The following TNPO3 variants were observed in gnomAD, a reference collection of about 807,000 sequenced individuals.
TNPO3 encodes the protein transportin-3.
In TNPO3, 65 loss-of-function variants were observed where a neutral mutation model predicts 122.8. The observed-to-expected ratio is 0.53, with a 90% confidence interval of 0.43 to 0.65. The LOEUF (loss-of-function observed/expected upper bound fraction) is 0.65. TNPO3 is among the 30% of genes least tolerant of loss of function. The pLI is 0.00. For synonymous variants in TNPO3, 372 were observed against 411.2 expected, an observed-to-expected ratio of 0.90 and a Z score of 1.15; for missense variants, 850 against 1,136.7, an observed-to-expected ratio of 0.75 and a Z score of 3.63.
chr7:129,052,837 G>A (rs2150577546), intron 1 of TNPO3, among the ~76,000 whole-genome samples: 1 of 152,256 alleles, frequency 6.6e-6, no homozygotes, highest in South Asian at 2.1e-4. Context: ...TACTTTTTTA[G>A]TATAGTGTAG....
intron 11 of TNPO3, 134 bp from the exon 12 acceptor site, chr7:128,987,054 AC>A: frequency 1.2e-6 from 1 of 857,556 alleles, no homozygotes; most frequent in Non-Finnish European, 1.7e-6. Flanking sequence ...TGTGTTCAGA[AC>A]CACAATAAAT....
chr7:129,049,023 T>C (rs75279435), intron 1 of TNPO3, among the ~76,000 whole-genome samples: 6,830 of 152,270 alleles, frequency 0.045, 210 homozygotes, highest in Middle Eastern at 0.11. Flanking sequence ...TAGGCATTCA[T>C]TGGGGGCTGA....
chr7:129,054,836 G>A lies in TNPO3; in HGVS notation c.-66C>T. 13 of 1,606,228 alleles carry A rather than the reference G, an allele frequency of 8.1e-6. No homozygotes were observed. The highest frequency in any genetic ancestry group is 1.0e-5 in the Non-Finnish European group (12 of 1,176,116). On this transcript the variant is annotated 5_prime_UTR_variant, in exon 1 of 23. Coordinates refer to ENST00000265388, the MANE Select transcript of TNPO3 (RefSeq NM_012470.4). Reference sequence around the variant, plus strand: ...CTCCGGAGGATTCCTCGGTTGCTCCGCCTTCGCGCTTCCTCACTGTCTGGG... The same window carrying A: ...CTCCGGAGGATTCCTCGGTTGCTCCACCTTCGCGCTTCCTCACTGTCTGGG...
chr7:128,958,659 T>A (rs986995438), intron 21 of TNPO3, among the ~76,000 whole-genome samples: 9 of 152,206 alleles, frequency 5.9e-5, no homozygotes, highest in Admixed American at 1.3e-4. Context: ...GATTTCCCCA[T>A]CCATTGTAAG....
chr7:128,972,421 C>T lies in TNPO3; in HGVS notation c.2430+5G>A. On this transcript the variant is annotated splice_donor_5th_base_variant and intron_variant, in intron 19 of 22. Coordinates refer to ENST00000265388, the MANE Select transcript of TNPO3 (RefSeq NM_012470.4). ...AAGTAGAAATGGTATCATTTTTATA[C>T]TTACATCATTGGCTACCCCTGTATG... The T allele has an allele frequency of 1.2e-6, 2 of 1,607,788 alleles. No homozygotes were observed. The highest frequency in any genetic ancestry group is 1.7e-6 in the Non-Finnish European group (2 of 1,177,438).
chr7:129,021,208 A>G (rs1174603223), intron 1 of TNPO3, among the ~76,000 whole-genome samples: 1 of 152,138 alleles, frequency 6.6e-6, no homozygotes, highest in African/African-American at 2.4e-5. Context: ...TACAAAAATT[A>G]GCTGGGCATG....
intron 16 of TNPO3, 99 bp from the exon 17 acceptor site, chr7:128,976,034 C>T (rs1484985163): frequency 1.2e-6 from 1 of 836,136 alleles, no homozygotes; most frequent in Non-Finnish European, 2.1e-6. Context: ...AGATTGGCTT[C>T]TTCTCTTTAA....
In TNPO3 at chr7:129,025,756, T is replaced by C. The variant is rs190736625; in HGVS notation, c.121-7599A>G. Among the ~76,000 whole-genome samples, 103 of 152,176 alleles carry C rather than the reference T, an allele frequency of 6.8e-4. 1 individual carries two copies. Among genetic ancestry groups the C allele is most frequent in the Non-Finnish European group, 1.1e-3 (73 of 67,994 alleles). On this transcript the variant is annotated intron_variant, in intron 1 of 22. Transcript: ENST00000265388. ...TGGTGGTTAAAAGGCCATCTGCATA[T>C]AGTAATTCACTAAGCTACACATCTG...
rs749189508 is a variant in TNPO3, at chr7:129,054,817, A to C, written c.-47T>G. The C allele has an allele frequency of 3.1e-6, 5 of 1,612,154 alleles. No homozygotes were observed. Among genetic ancestry groups the C allele is most frequent in the Non-Finnish European group, 1.7e-6 (2 of 1,179,208 alleles). ...AGCGACGGCTCTGATTCTTCTCCGGAGGATTCCTCGGTTGCTCCGCCTTCG... is the reference window on the plus strand; with the variant it reads ...AGCGACGGCTCTGATTCTTCTCCGGCGGATTCCTCGGTTGCTCCGCCTTCG... On this transcript the variant is annotated 5_prime_UTR_variant, in exon 1 of 23. Coordinates refer to ENST00000265388, the MANE Select transcript of TNPO3 (RefSeq NM_012470.4).
rs576557108 is a variant in TNPO3, at chr7:129,047,011, G to C, written c.120+7640C>G. On this transcript the variant is annotated intron_variant, in intron 1 of 22. Transcript: ENST00000265388. ...AACCATATCAACCCAAGACCTTTCTGATATGATATCTAAGAAGAAAATTCC... is the reference window on the plus strand; with the variant it reads ...AACCATATCAACCCAAGACCTTTCTCATATGATATCTAAGAAGAAAATTCC... Among the ~76,000 whole-genome samples, 19 of 152,290 alleles carry C rather than the reference G, an allele frequency of 1.2e-4. 1 individual carries two copies. The South Asian group carries it at 3.7e-3, about 30-fold the overall frequency.
intron 1 of TNPO3, among the ~76,000 whole-genome samples, chr7:129,053,150 C>T (rs765736568): frequency 9.2e-5 from 14 of 152,072 alleles, no homozygotes; most frequent in Non-Finnish European, 1.9e-4. Context: ...ATGGCGAAAC[C>T]CCGTTTCTAC....
At chr7:129,007,622 G>A (rs1378256271) in intron 4 of TNPO3, among the ~76,000 whole-genome samples, 11 of 152,184 alleles carry the variant, frequency 7.2e-5, no homozygotes, top group African/African-American at 2.7e-4. Context: ...AATAACATCA[G>A]AACTTGATTG....
chr7:128,980,808 T>C (rs568107501), intron 14 of TNPO3, among the ~76,000 whole-genome samples: 1 of 152,360 alleles, frequency 6.6e-6, no homozygotes, highest in East Asian at 1.9e-4. Context: ...AATCCACTAC[T>C]AGAAACCAAG....
At chr7:128,972,815 TGTACACCAAGA>T (rs1220084332) in intron 18 of TNPO3, among the ~76,000 whole-genome samples, 19 of 152,118 alleles carry the variant, frequency 1.2e-4, no homozygotes, top group Non-Finnish European at 5.9e-5. Flanking sequence ...ACCCACAGAA[TGTACACCAAGA>T]GTGAAGCCTA....
At chr7:129,016,595 C>T (rs1400167770) in intron 3 of TNPO3, among the ~76,000 whole-genome samples, 1 of 152,120 alleles carries the variant, frequency 6.6e-6, no homozygotes, top group Non-Finnish European at 1.5e-5. Context: ...AATATTGCCC[C>T]TCTGATAAAC....
intron 4 of TNPO3, among the ~76,000 whole-genome samples, chr7:129,010,410 G>A (rs751689548): frequency 4.6e-5 from 7 of 151,968 alleles, no homozygotes; most frequent in Non-Finnish European, 7.4e-5. Flanking sequence ...TCAAGCAACC[G>A]TCCCACCTCA....
chr7:128,959,707 G>C (rs765326695), intron 21 of TNPO3, among the ~76,000 whole-genome samples: 22 of 152,086 alleles, frequency 1.4e-4, no homozygotes, highest in Admixed American at 1.3e-4. Context: ...CCTTGGTGGG[G>C]AGCCCATAGA....
In TNPO3 at chr7:128,955,004, C is replaced by A. The variant is rs148588258; in HGVS notation, c.*413G>T. On this transcript the variant is annotated 3_prime_UTR_variant, in exon 23 of 23. Transcript: ENST00000265388. ...TTTTCTGTGTACACGTGCGCACTGG[C>A]GCTTGTGCGTGTATGTGTGTGTGCG... The A allele has an allele frequency of 4.7e-3, 1,113 of 235,080 alleles. 19 individuals carry two copies. The highest frequency in any genetic ancestry group is 0.025 in the African/African-American group (1,040 of 42,158). The allele number at this position is 235,080 out of a possible 1,614,324, so 14.6% of individuals were successfully genotyped here.
intron 1 of TNPO3, among the ~76,000 whole-genome samples, chr7:129,049,191 T>C (rs891397925): frequency 3.9e-5 from 6 of 152,330 alleles, no homozygotes; most frequent in Non-Finnish European, 4.4e-5. Context: ...CGGCATCCAC[T>C]CTACCCCAAA....
Sources: allele counts gnomAD v4.1 joint callset (sites outside exome capture counted in the v4.1 genomes callset), GRCh38; gene constraint gnomAD v4.1.1; transcripts MANE v1.5; gene names NCBI Gene and HGNC (gene_info 2026-07-23, HGNC 2026-07-21).